Variants in EXOC6B observed in about 807,000 individuals in gnomAD.
EXOC6B encodes SEC15 homolog B.
A neutral mutation model predicts 113.5 loss-of-function variants in EXOC6B; 54 were observed. The observed-to-expected ratio is 0.48, with a 90% CI of 0.38 to 0.60. EXOC6B has a LOEUF of 0.60. Among genes scored for constraint, EXOC6B ranks in the 20% least tolerant of loss-of-function variants. The pLI is 0.00. For missense variants in EXOC6B, 797 were observed against 977.5 expected, an observed-to-expected ratio of 0.82 and a Z score of 2.46; for synonymous variants, 357 against 339.0, an observed-to-expected ratio of 1.05 and a Z score of -0.58.
intron 6 of EXOC6B, among the ~76,000 whole-genome samples, chr2:72,635,554 T>C (rs1672758134): frequency 6.6e-6 from 1 of 152,148 alleles, no homozygotes; most frequent in Non-Finnish European, 1.5e-5. Context: ...GGGAAGGAAA[T>C]TGGATTTACT....
chr2:72,334,882 A>G, intron 20 of EXOC6B, 65 bp downstream of exon 20: 2 of 1,492,948 alleles, frequency 1.3e-6, no homozygotes, highest in Non-Finnish European at 1.9e-6. Context: ...CTTTTCCTTA[A>G]GACCTGATGG....
intron 6 of EXOC6B, among the ~76,000 whole-genome samples, chr2:72,654,163 G>A (rs1165633765): frequency 1.3e-5 from 2 of 151,920 alleles, no homozygotes; most frequent in Non-Finnish European, 2.9e-5. Context: ...GTAGAGACGG[G>A]GTTTCACCGT....
intron 1 of EXOC6B, among the ~76,000 whole-genome samples, chr2:72,743,187 C>T (rs1220130084): frequency 3.3e-5 from 5 of 152,122 alleles, no homozygotes; most frequent in East Asian, 3.8e-4. Flanking sequence ...CACTAAAACA[C>T]GATCTAAATC....
At chr2:72,735,999 C>T (rs1051517704) in intron 2 of EXOC6B, among the ~76,000 whole-genome samples, 1 of 151,926 alleles carries the variant, frequency 6.6e-6, no homozygotes, top group African/African-American at 2.4e-5. Context: ...GCCTGGCCAA[C>T]ATGGTGAAAC....
intron 18 of EXOC6B, among the ~76,000 whole-genome samples, chr2:72,399,947 G>C (rs1180371395): frequency 6.6e-6 from 1 of 151,984 alleles, no homozygotes; most frequent in African/African-American, 2.4e-5. Flanking sequence ...AAATTCATAT[G>C]GAACCTAAAA....
At chr2:72,811,586 T>C (rs1685927280) in intron 1 of EXOC6B, among the ~76,000 whole-genome samples, 1 of 152,194 alleles carries the variant, frequency 6.6e-6, no homozygotes, top group South Asian at 2.1e-4. Context: ...ACTATTACTC[T>C]ATCAAAACCA....
chr2:72,657,887 A>G (rs1674711250), intron 6 of EXOC6B, among the ~76,000 whole-genome samples: 1 of 151,488 alleles, frequency 6.6e-6, no homozygotes, highest in African/African-American at 2.4e-5. Flanking sequence ...AAGAATCACA[A>G]AAACACACAC....
intron 6 of EXOC6B, among the ~76,000 whole-genome samples, chr2:72,708,752 C>T (rs1304336890): frequency 6.6e-6 from 1 of 152,066 alleles, no homozygotes; most frequent in African/African-American, 2.4e-5. Context: ...TTTTCACAGA[C>T]AGATTCTTGC....
intron 1 of EXOC6B, among the ~76,000 whole-genome samples, chr2:72,819,695 T>C (rs918479141): frequency 6.6e-6 from 1 of 152,094 alleles, no homozygotes; most frequent in Non-Finnish European, 1.5e-5. Flanking sequence ...TGACTCACAC[T>C]TGAGTGACCA....
At chr2:72,359,294 G>A (rs1172399419) in intron 19 of EXOC6B, among the ~76,000 whole-genome samples, 2 of 152,102 alleles carry the variant, frequency 1.3e-5, no homozygotes, top group African/African-American at 4.8e-5. Context: ...CATCATGAAT[G>A]GGATTGGTAA....
intron 8 of EXOC6B, among the ~76,000 whole-genome samples, chr2:72,558,026 C>T (rs1218361042): frequency 3.1e-5 from 2 of 63,906 alleles, no homozygotes; most frequent in African/African-American, 9.0e-5. Context: ...TTCAGAGCTT[C>T]TTTATAAAAC....
intron 21 of EXOC6B, chr2:72,182,997 T>G: frequency 9.4e-6 from 8 of 854,500 alleles, no homozygotes; most frequent in Non-Finnish European, 1.2e-5. Context: ...AAAACTGCAG[T>G]CTGAGTTTTT....
chr2:72,795,336 T>C (rs1448893849), intron 1 of EXOC6B, among the ~76,000 whole-genome samples: 9 of 152,214 alleles, frequency 5.9e-5, no homozygotes. Flanking sequence ...AAAATATGTT[T>C]TGTAAGCAAT....
At chr2:72,444,265 G>C (rs1192267529) in intron 18 of EXOC6B, among the ~76,000 whole-genome samples, 1 of 152,220 alleles carries the variant, frequency 6.6e-6, no homozygotes, top group East Asian at 1.9e-4. Flanking sequence ...TGATGTAAGA[G>C]AGGATTCCCA....
At chr2:72,300,793 AC>A (rs1686466724) in intron 20 of EXOC6B, among the ~76,000 whole-genome samples, 2 of 151,892 alleles carry the variant, frequency 1.3e-5, no homozygotes. Context: ...AAATCCCCCG[AC>A]CCCTTGCACT....
chr2:72,306,106 A>G (rs1686839549), intron 20 of EXOC6B, among the ~76,000 whole-genome samples: 1 of 152,220 alleles, frequency 6.6e-6, no homozygotes, highest in South Asian at 2.1e-4. Flanking sequence ...AGGCTGACAC[A>G]GTAAGGGATC....
At chr2:72,588,167 T>C (rs1359450755) in intron 6 of EXOC6B, among the ~76,000 whole-genome samples, 1 of 152,036 alleles carries the variant, frequency 6.6e-6, no homozygotes, top group Non-Finnish European at 1.5e-5. Flanking sequence ...TATCCAGAAA[T>C]CCCATGTCTG....
At chr2:72,788,381 T>A (rs1444293359) in intron 1 of EXOC6B, among the ~76,000 whole-genome samples, 2 of 152,188 alleles carry the variant, frequency 1.3e-5, no homozygotes, top group Non-Finnish European at 2.9e-5. Flanking sequence ...ACAGCATCAG[T>A]GTTTCAATTA....
intron 6 of EXOC6B, among the ~76,000 whole-genome samples, chr2:72,700,273 A>ACACACACACAC (rs1558930132): frequency 1.1e-4 from 4 of 36,958 alleles, no homozygotes; most frequent in African/African-American, 4.7e-4. Context: ...CACACACACA[A>ACACACACACAC]AGTTATCCGT....
Sources: gnomAD v4.1 joint callset for allele counts (sites outside exome capture counted in the v4.1 genomes callset) on GRCh38, gnomAD v4.1.1 for gene constraint, MANE v1.5 for transcripts, NCBI Gene and HGNC (gene_info 2026-07-23, HGNC 2026-07-21) for gene names.